The following MYOC variants were observed in gnomAD, a reference collection of about 807,000 sequenced individuals.
MYOC encodes the protein myocilin, also known as juvenile-onset open-angle glaucoma 1.
MYOC carries 29 observed loss-of-function variants against 28.2 expected under a neutral mutation model. The observed-to-expected ratio is 1.03, with a 90% CI of 0.77 to 1.40. MYOC has a LOEUF of 1.40. Ranked by LOEUF, MYOC falls within the 40% of genes most tolerant of loss-of-function variation. The probability of loss-of-function intolerance (pLI) is 0.00; values close to 1 mark genes in which losing one functional copy is unlikely to be tolerated. For synonymous variants in MYOC, 240 were observed against 245.6 expected (o/e 0.98, Z 0.21); for missense variants, 569 against 620.6 (o/e 0.92, Z 0.88).
chr1:171,636,922 G>A (rs1652937629), intron 2 of MYOC, among the ~76,000 whole-genome samples: 1 of 152,262 alleles, frequency 6.6e-6, no homozygotes. Flanking sequence ...ATTTGTAAAA[G>A]GGGATACTAA....
At chr1:171,642,556 G>A (rs1006005978) in intron 1 of MYOC, among the ~76,000 whole-genome samples, 5 of 151,520 alleles carry the variant, frequency 3.3e-5, no homozygotes, top group Non-Finnish European at 4.4e-5. Context: ...CAAGGCTGCA[G>A]TGAGCCATGA....
intron 1 of MYOC, among the ~76,000 whole-genome samples, chr1:171,644,547 A>G (rs1408690878): frequency 6.7e-6 from 1 of 149,486 alleles, no homozygotes; most frequent in Non-Finnish European, 1.5e-5. Context: ...TAGCTAAAGT[A>G]TGTACTGGCT....
chr1:171,645,134 G>A (rs1293947831), intron 1 of MYOC, among the ~76,000 whole-genome samples: 1 of 152,154 alleles, frequency 6.6e-6, no homozygotes, highest in African/African-American at 2.4e-5. Context: ...GAGGAAAAAG[G>A]TCTGCAGTTT....
chr1:171,638,742 C>G lies in MYOC; in HGVS notation c.605-20G>C. 6.2e-7 allele frequency: 1 copy of G among 1,613,316 alleles called. No individual in the cohort carries two copies. Among genetic ancestry groups the G allele is most frequent in the South Asian group, 1.1e-5 (1 of 91,066 alleles). On this transcript the variant is annotated intron_variant, in intron 1 of 2. Coordinates refer to ENST00000037502, the MANE Select transcript of MYOC (RefSeq NM_000261.2). ...TAGAAACTGCATTAAAAGAAAGAGA[C>G]AAAATTTTACTGTAAGAAAAAATGG...
rs1175117891 is a variant in MYOC, at chr1:171,639,946, GAAAAAAAAAA to G, written c.605-1234_605-1225del. On this transcript the variant is annotated intron_variant, in intron 1 of 2. Coordinates refer to ENST00000037502, the MANE Select transcript of MYOC (RefSeq NM_000261.2). ...GCAACAGAGCAAGACTCTGTCTCAA[GAAAAAAAAAA>G]AAAAAAAAAAAAAAAAAGAAGTGTG... Among the ~76,000 whole-genome samples the G allele has an allele frequency of 4.2e-3, 199 of 46,982 alleles. 3 individuals carry two copies. In the East Asian group the frequency reaches 0.12, roughly 29 times the overall value. The allele number at this position is 46,982 out of a possible 152,430, so 30.8% of individuals were successfully genotyped here. A position where few individuals can be genotyped will look rare whatever the true frequency, so the allele number is the denominator to read the frequency against.
chr1:171,646,630 GGGACTACA>G (rs1435806104), intron 1 of MYOC, among the ~76,000 whole-genome samples: 11 of 151,540 alleles, frequency 7.3e-5, no homozygotes, highest in Admixed American at 6.6e-5. Context: ...CTGAGTAGCT[GGGACTACA>G]GGTGCCTGCC....
chr1:171,635,835 G>T lies in MYOC; in HGVS notation c.*90C>A. On this transcript the variant is annotated 3_prime_UTR_variant, in exon 3 of 3. Transcript: ENST00000037502. ...TTGGAAAGCAGTCAAAGCTGCCTGG[G>T]CCCTGGCTGGCTGGCTCTCCCTTCA... 2 of 1,402,124 alleles carry T rather than the reference G, an allele frequency of 1.4e-6. No homozygotes were observed. Among genetic ancestry groups the T allele is most frequent in the Non-Finnish European group, 2.0e-6 (2 of 1,006,910 alleles). The allele number at this position is 1,402,124 out of a possible 1,614,324, so 86.9% of individuals were successfully genotyped here.
In MYOC at chr1:171,635,553, C is replaced by A; in HGVS notation, c.*372G>T. The A allele has an allele frequency of 2.5e-6, 1 of 400,092 alleles. No individual in the cohort carries two copies. The highest frequency in any genetic ancestry group is 3.1e-5 in the South Asian group (1 of 32,558). The allele number at this position is 400,092 out of a possible 1,614,324, so 24.8% of individuals were successfully genotyped here. A position where few individuals can be genotyped will look rare whatever the true frequency, so the allele number is the denominator to read the frequency against. On this transcript the variant is annotated 3_prime_UTR_variant, in exon 3 of 3. Coordinates refer to ENST00000037502, the MANE Select transcript of MYOC (RefSeq NM_000261.2). ...GCTGGCCAGAGGAGCTATTCTGCTT[C>A]CTTTAGAAGTTATGCTTTTTATTGT...
chr1:171,639,946 G>GAAAAAAAAAAAAAAAAAA (rs1175117891), intron 1 of MYOC, among the ~76,000 whole-genome samples: 1 of 46,974 alleles, frequency 2.1e-5, no homozygotes, highest in Non-Finnish European at 3.6e-5. Flanking sequence ...TCTGTCTCAA[G>GAAAAAAAAAAAAAAAAAA]AAAAAAAAAA....
intron 1 of MYOC, among the ~76,000 whole-genome samples, chr1:171,644,374 T>G (rs1217805852): frequency 6.6e-6 from 1 of 152,052 alleles, no homozygotes; most frequent in African/African-American, 2.4e-5. Context: ...TTATTTAATT[T>G]AACAACTTAC....
chr1:171,652,599 A>T lies in MYOC; in HGVS notation c.13T>A (p.Cys5Ser). ...GGCCCAAAGCTGCAGCAACGTGCACAGAAGAACCTCATTGCAGAGGCTTGG... is the reference window on the plus strand; with the variant it reads ...GGCCCAAAGCTGCAGCAACGTGCACTGAAGAACCTCATTGCAGAGGCTTGG... MRFF[C>S]ARCCSFGPEM... Residue 5 changes from cysteine (C) to serine (S), a missense_variant, in exon 1 of 3, where the codon TGT becomes AGT. Coordinates refer to ENST00000037502, the MANE Select transcript of MYOC (RefSeq NM_000261.2). 1 of 1,614,208 alleles carries T rather than the reference A, an allele frequency of 6.2e-7. No homozygotes were observed. Among genetic ancestry groups the T allele is most frequent in the Non-Finnish European group, 8.5e-7 (1 of 1,180,046 alleles).
Position 171,642,761 on chromosome 1 carries a change from CCA to C in MYOC, c.605-4041_605-4040del, listed in dbSNP as rs1162359054. Reference sequence around the variant, plus strand: ...GCCTTCATTATTCCTAGCCTCAAATCCACAGAGCTATTTATCCATCCTTTTAG... The same window carrying C: ...GCCTTCATTATTCCTAGCCTCAAATCCAGAGCTATTTATCCATCCTTTTAG... On this transcript the variant is annotated intron_variant, in intron 1 of 2. Coordinates refer to ENST00000037502, the MANE Select transcript of MYOC (RefSeq NM_000261.2). Among the ~76,000 whole-genome samples the C allele has an allele frequency of 5.9e-5, 9 of 152,120 alleles. No individual in the cohort carries two copies. In the East Asian group the frequency reaches 1.7e-3, roughly 29 times the overall value.
At chr1:171,639,536 T>G (rs968581734) in intron 1 of MYOC, among the ~76,000 whole-genome samples, 7 of 151,364 alleles carry the variant, frequency 4.6e-5, no homozygotes, top group African/African-American at 1.5e-4. Flanking sequence ...TCCTAGGTAC[T>G]TGGGAGGCTG....
chr1:171,637,231 C>T (rs990078201), intron 2 of MYOC, among the ~76,000 whole-genome samples: 4 of 152,150 alleles, frequency 2.6e-5, no homozygotes, highest in Non-Finnish European at 4.4e-5. Context: ...CTTATTGTGA[C>T]TTTCATGCCT....
rs748201066 is a variant in MYOC, at chr1:171,636,231, G to A, written c.1209C>T (p.Leu403=). 1 of 1,614,176 alleles carries A rather than the reference G, an allele frequency of 6.2e-7. No homozygotes were observed. The highest frequency in any genetic ancestry group is 8.5e-7 in the Non-Finnish European group (1 of 1,180,034). The change falls in exon 3 of 3, where the codon CTC becomes CTT. Residue 403 remains leucine (L), a synonymous_variant. Transcript: ENST00000037502. ...STDEAKGAIV[L]SKLNPENLEL... ...CCAGATTCTCTGGGTTCAGTTTGGA[G>A]AGGACAATGGCACCTTTGGCCTCAT...
chr1:171,638,708 A>T lies in MYOC; in HGVS notation c.619T>A (p.Leu207Met), dbSNP rs1165182491. The change falls in exon 2 of 3, where the codon TTG becomes ATG. Residue 207 changes from leucine (L) to methionine (M), a missense_variant. By Grantham distance (15) the Leu-to-Met change is conservative. Transcript: ENST00000037502. ...PGSREVSTWN[L>M]DTLAFQELKS... The stretch of plus-strand genomic sequence containing the variant: ...AGTTCCTGGAAGGCCAAAGTGTCCA[A>T]ATTCCACGTAGAAACTGCATTAAAA... 6.2e-7 allele frequency: 1 copy of T among 1,614,156 alleles called. No individual in the cohort carries two copies. Among genetic ancestry groups the T allele is most frequent in the Non-Finnish European group, 8.5e-7 (1 of 1,180,004 alleles).
chr1:171,635,972 C>T lies in MYOC; in HGVS notation c.1468G>A (p.Asp490Asn). 3 of 1,614,150 alleles carry T rather than the reference C, an allele frequency of 1.9e-6. No homozygotes were observed. The highest frequency in any genetic ancestry group is 2.5e-6 in the Non-Finnish European group (3 of 1,180,024). Residue 490 changes from aspartate to asparagine, a missense_variant, in exon 3 of 3, where the codon GAC becomes AAC. Transcript: ENST00000037502. Reference sequence around the variant, plus strand: ...TCATAAGTGACCATGTTCAAGTTGTCCCAGGCAAAGAGCTTCTTCTCCAGG... The same window carrying T: ...TCATAAGTGACCATGTTCAAGTTGTTCCAGGCAAAGAGCTTCTTCTCCAGG... ...NPLEKKLFAW[D>N]NLNMVTYDIK...
chr1:171,642,780 T>A (rs1426172028), intron 1 of MYOC, among the ~76,000 whole-genome samples: 7 of 151,140 alleles, frequency 4.6e-5, no homozygotes, highest in African/African-American at 1.5e-4. Flanking sequence ...TATTTATCCA[T>A]CCTTTTAGTC....
In MYOC at chr1:171,652,172, C is replaced by T. The variant is rs114283307; in HGVS notation, c.440G>A (p.Arg147Gln). 431 of 1,614,168 alleles carry T rather than the reference C, an allele frequency of 2.7e-4. 1 individual carries two copies. The highest frequency in any genetic ancestry group is 1.0e-4 in the Non-Finnish European group (123 of 1,180,028). ...CTCTTCCTCCAGAACTGACTTGTCTCGGAGGAGGTTGCTGTAGGCAGTCTC... is the reference window on the plus strand; with the variant it reads ...CTCTTCCTCCAGAACTGACTTGTCTTGGAGGAGGTTGCTGTAGGCAGTCTC... ...ELETAYSNLL[R>Q]DKSVLEEEKK... Residue 147 changes from arginine (R) to glutamine (Q), a missense_variant, in exon 1 of 3, where the codon CGA (arginine) becomes CAA (glutamine). Arg to Gln is a conservative substitution (Grantham distance 43). Transcript: ENST00000037502.
Sources: allele counts gnomAD v4.1 joint callset (sites outside exome capture counted in the v4.1 genomes callset), GRCh38; gene constraint gnomAD v4.1.1; transcripts MANE v1.5; gene names NCBI Gene and HGNC (gene_info 2026-07-23, HGNC 2026-07-21).